Variants in GRM7 observed in about 807,000 individuals in gnomAD.
The protein encoded by GRM7 is glutamate metabotropic receptor 7.
A neutral mutation model predicts 84.5 loss-of-function variants in GRM7; 35 were observed. The observed-to-expected ratio is 0.41, with a 90% CI of 0.32 to 0.55. GRM7 has a LOEUF of 0.55. GRM7 is among the 20% of genes least tolerant of loss of function. GRM7 has a pLI of 0.19. For missense variants in GRM7, 1,003 were observed against 1,194.6 expected, an observed-to-expected ratio of 0.84 and a Z score of 2.36; for synonymous variants, 487 against 455.1, an observed-to-expected ratio of 1.07 and a Z score of -0.89.
At position 6,887,379 on chromosome 3, in the gene GRM7, C is replaced by T. The variant is rs559726975; in HGVS notation, c.519+25472C>T. ...ATATCTCCTAATGCTATCCCTCCCCCCTTCCCCCACCCCACAACAGTCCAC... is the reference window on the plus strand; with the variant it reads ...ATATCTCCTAATGCTATCCCTCCCCTCTTCCCCCACCCCACAACAGTCCAC... On this transcript the variant is annotated intron_variant, in intron 1 of 9. Transcript: ENST00000357716. 3.3e-5 allele frequency among the ~76,000 whole-genome samples: 5 copies of T among 152,090 alleles called. No homozygotes were observed. The South Asian group carries it at 6.3e-4, about 19-fold the overall frequency.
intron 4 of GRM7, among the ~76,000 whole-genome samples, chr3:7,386,457 ATTG>A (rs1238331739): frequency 6.6e-6 from 1 of 152,036 alleles, no homozygotes; most frequent in Non-Finnish European, 1.5e-5. Context: ...TCCAGTGTCT[ATTG>A]TTCTCATCTT....
chr3:6,931,702 T>A (rs904650674), intron 1 of GRM7, among the ~76,000 whole-genome samples: 2 of 152,238 alleles, frequency 1.3e-5, no homozygotes, highest in Non-Finnish European at 2.9e-5. Context: ...TAATTATTCC[T>A]TGATATGTTT....
intron 7 of GRM7, among the ~76,000 whole-genome samples, chr3:7,527,018 T>C (rs967140334): frequency 4.6e-5 from 7 of 152,070 alleles, no homozygotes; most frequent in African/African-American, 1.7e-4. Context: ...TGGCTCTTTT[T>C]AGTTCTATAA....
At chr3:7,277,396 A>G (rs190769796) in intron 2 of GRM7, among the ~76,000 whole-genome samples, 5 of 152,130 alleles carry the variant, frequency 3.3e-5, no homozygotes, top group Admixed American at 2.0e-4. Flanking sequence ...GTCAAATTTT[A>G]TCAAGATGTC....
intron 4 of GRM7, among the ~76,000 whole-genome samples, chr3:7,354,205 G>T (rs1245975861): frequency 1.3e-5 from 2 of 152,070 alleles, no homozygotes; most frequent in Non-Finnish European, 2.9e-5. Flanking sequence ...TGTGTACTGG[G>T]GAAAAGGAAA....
chr3:7,396,236 A>G (rs1286178865), intron 4 of GRM7, among the ~76,000 whole-genome samples: 1 of 152,116 alleles, frequency 6.6e-6, no homozygotes, highest in Non-Finnish European at 1.5e-5. Flanking sequence ...TCCTAATGAC[A>G]TGTTGAGTTT....
At chr3:7,219,015 T>C (rs1696707262) in intron 2 of GRM7, among the ~76,000 whole-genome samples, 1 of 152,158 alleles carries the variant, frequency 6.6e-6, no homozygotes, top group African/African-American at 2.4e-5. Context: ...ATTGATTGTA[T>C]GGTGTTTTGC....
intron 8 of GRM7, among the ~76,000 whole-genome samples, chr3:7,608,487 C>CT (rs941460410): frequency 2.6e-5 from 4 of 152,182 alleles, no homozygotes; most frequent in South Asian, 2.1e-4. Flanking sequence ...TGATATTGAG[C>CT]TTTTTTTCAT....
chr3:7,490,472 C>T (rs1699479739), intron 7 of GRM7, among the ~76,000 whole-genome samples: 1 of 152,142 alleles, frequency 6.6e-6, no homozygotes, highest in Non-Finnish European at 1.5e-5. Flanking sequence ...ATGTGATATT[C>T]TCTAACTGGA....
rs547392589 is a variant in GRM7 at position 7,715,987 on chromosome 3, G to A, written c.2699-24370G>A. Among the ~76,000 whole-genome samples, 10 of 152,202 alleles carry A rather than the reference G, an allele frequency of 6.6e-5. No individual in the cohort carries two copies. In the South Asian group the frequency reaches 2.1e-3, roughly 32 times the overall value. ...CCCAAGCCAGGTTCTCCTCCCCAGT[G>A]TTATTCTCACCCCCTTCTAATTCCT... On this transcript the variant is annotated intron_variant, in intron 9 of 9. Coordinates refer to ENST00000357716, the MANE Select transcript of GRM7 (RefSeq NM_000844.4).
intron 1 of GRM7, among the ~76,000 whole-genome samples, chr3:6,903,471 G>A (rs1696465889): frequency 6.6e-6 from 1 of 152,060 alleles, no homozygotes; most frequent in Non-Finnish European, 1.5e-5. Context: ...TGCTGCATAT[G>A]AACTTAATTT....
chr3:6,925,194 G>A (rs919363014), intron 1 of GRM7, among the ~76,000 whole-genome samples: 1 of 152,096 alleles, frequency 6.6e-6, no homozygotes, highest in Non-Finnish European at 1.5e-5. Context: ...ACTCTATATA[G>A]GCATTTAATA....
intron 4 of GRM7, among the ~76,000 whole-genome samples, chr3:7,371,537 A>C (rs980615491): frequency 1.3e-5 from 2 of 152,180 alleles, no homozygotes; most frequent in East Asian, 3.8e-4. Context: ...TATAGCTAAT[A>C]ATTCTTGATT....
At chr3:7,030,383 G>A (rs1696146426) in intron 1 of GRM7, among the ~76,000 whole-genome samples, 1 of 152,162 alleles carries the variant, frequency 6.6e-6, no homozygotes, top group Non-Finnish European at 1.5e-5. Context: ...GGGGGTGGGA[G>A]ATATGTTCAT....
chr3:7,045,936 A>G (rs1209408352), intron 1 of GRM7, among the ~76,000 whole-genome samples: 1 of 151,706 alleles, frequency 6.6e-6, no homozygotes, highest in Non-Finnish European at 1.5e-5. Flanking sequence ...TCTACATGCC[A>G]TTTTTTTTGG....
intron 8 of GRM7, among the ~76,000 whole-genome samples, chr3:7,661,587 G>A (rs1024751319): frequency 6.6e-6 from 1 of 151,914 alleles, no homozygotes; most frequent in Non-Finnish European, 1.5e-5. Context: ...GAGGTCAGGA[G>A]ATCCAGACCA....
chr3:7,593,818 A>G (rs547343210), intron 8 of GRM7, among the ~76,000 whole-genome samples: 1 of 152,192 alleles, frequency 6.6e-6, no homozygotes, highest in East Asian at 1.9e-4. Flanking sequence ...GACCACTTGG[A>G]CTGTTGGTAA....
chr3:7,472,223 A>G (rs1489260609), intron 7 of GRM7, among the ~76,000 whole-genome samples: 1 of 152,130 alleles, frequency 6.6e-6, no homozygotes. Flanking sequence ...TGATTTTTCC[A>G]TATATCACAA....
chr3:7,294,814 A>G (rs1357707018), intron 2 of GRM7, among the ~76,000 whole-genome samples: 1 of 152,214 alleles, frequency 6.6e-6, no homozygotes, highest in East Asian at 1.9e-4. Context: ...AGGATCAGAA[A>G]TGTGCTTCAC....
Sources: gnomAD v4.1 joint callset for allele counts (sites outside exome capture counted in the v4.1 genomes callset) on GRCh38, gnomAD v4.1.1 for gene constraint, MANE v1.5 for transcripts, NCBI Gene and HGNC (gene_info 2026-07-23, HGNC 2026-07-21) for gene names.